The following COL5A2 variants were observed in gnomAD, a reference collection of about 807,000 sequenced individuals.
COL5A2 encodes collagen alpha-2(V) chain.
Under a neutral mutation model 208.2 loss-of-function variants are expected in COL5A2, and 23 were observed. The ratio of observed to expected loss-of-function variants is 0.11; its 90% CI spans 0.08 to 0.16. The LOEUF is 0.16. COL5A2 is among the 10% of genes least tolerant of loss of function. The pLI, the probability that COL5A2 is intolerant of heterozygous loss-of-function variation, is 1.00. For missense variants in COL5A2, 1,590 were observed against 1,956.4 expected (o/e 0.81, Z 3.53); for synonymous variants, 625 against 628.5 (o/e 0.99, Z 0.08).
chr2:189,388,514 C>T, the COL5A2 span, among the ~76,000 whole-genome samples: 38 of 152,224 alleles, frequency 2.5e-4, no homozygotes, highest in African/African-American at 8.7e-4. Flanking sequence ...AGGCTGAGCA[C>T]GTACTTGCAA....
At chr2:189,045,122 T>TG (rs1685637608) in intron 47 of COL5A2, 57 bp downstream of exon 47, 7 of 1,166,586 alleles carry the variant, frequency 6.0e-6, no homozygotes, top group Non-Finnish European at 8.6e-6. Context: ...TATACTTCTT[T>TG]GGGAGTATAT....
At chr2:189,062,817 T>G (rs755099071) in intron 29 of COL5A2, 48 bp downstream of exon 29, 1 of 1,608,450 alleles carries the variant, frequency 6.2e-7, no homozygotes, top group Non-Finnish European at 8.5e-7. Flanking sequence ...AAAAATGCAA[T>G]GTGTGTATAT....
chr2:189,382,782 G>T, the COL5A2 span, among the ~76,000 whole-genome samples: 1 of 152,002 alleles, frequency 6.6e-6, no homozygotes. Flanking sequence ...TTTGCAGGTA[G>T]GGGATGGATG....
At chr2:189,059,585 G>GTTTTTTTTTTTTTTTTTTT in intron 31 of COL5A2, among the ~76,000 whole-genome samples, 486 of 28,632 alleles carry the variant, frequency 0.017, 171 homozygotes, top group Non-Finnish European at 0.024. Context: ...TTCTTTTCTG[G>GTTTTTTTTTTTTTTTTTTT]TTTTTTTTTT....
chr2:189,371,913 C>A, the COL5A2 span, among the ~76,000 whole-genome samples: 38 of 152,302 alleles, frequency 2.5e-4, no homozygotes, highest in Admixed American at 1.3e-3. Flanking sequence ...AAAATGGAGC[C>A]AAGAGCTAAT....
At chr2:189,331,174 T>A in the COL5A2 span, among the ~76,000 whole-genome samples, 1 of 151,980 alleles carries the variant, frequency 6.6e-6, no homozygotes, top group African/African-American at 2.4e-5. Flanking sequence ...TATGAAGAAG[T>A]CATTTGATAA....
intron 1 of COL5A2, among the ~76,000 whole-genome samples, chr2:189,169,155 G>A (rs1365138834): frequency 6.6e-6 from 1 of 152,196 alleles, no homozygotes; most frequent in Non-Finnish European, 1.5e-5. Context: ...TCAGAGCAAT[G>A]CAGAGTGGAA....
chr2:189,415,940 G>A, the COL5A2 span, among the ~76,000 whole-genome samples: 28 of 152,300 alleles, frequency 1.8e-4, no homozygotes, highest in East Asian at 1.9e-4. Context: ...GATTACAGGC[G>A]TGAGCCACTG....
chr2:189,209,334 T>G (rs1689180605), intron 1 of COL5A2, among the ~76,000 whole-genome samples: 1 of 152,214 alleles, frequency 6.6e-6, no homozygotes, highest in Non-Finnish European at 1.5e-5. Context: ...GTTTCAATAT[T>G]CTAGCCAAGA....
Position 189,061,633 on chromosome 2 carries a change from A to T in COL5A2, c.1978-18T>A. ...GCTAGACCCTAAGTTGTGAAGGAGA[A>T]AATAATTGTGAATATAACCAGATCT... On this transcript the variant is annotated intron_variant, in intron 29 of 53. Transcript: ENST00000374866. The T allele has an allele frequency of 6.3e-7, 1 of 1,599,880 alleles. No homozygotes were observed. The highest frequency in any genetic ancestry group is 8.6e-7 in the Non-Finnish European group (1 of 1,167,194).
chr2:189,111,642 C>T (rs1490441518), intron 1 of COL5A2, among the ~76,000 whole-genome samples: 3 of 152,162 alleles, frequency 2.0e-5, no homozygotes, highest in Admixed American at 6.5e-5. Context: ...AGAACTCATT[C>T]ACTCAGCCAT....
rs913791106 is a variant in COL5A2 at position 189,132,930 on chromosome 2, A to G, written c.98-22481T>C. ...AGCAAGACTCCATCTCAAAAAAAAAATTAATAAAACAATATTAATTGAGTG... is the reference window on the plus strand; with the variant it reads ...AGCAAGACTCCATCTCAAAAAAAAAGTTAATAAAACAATATTAATTGAGTG... On this transcript the variant is annotated intron_variant, in intron 1 of 53. Coordinates refer to ENST00000374866, the MANE Select transcript of COL5A2 (RefSeq NM_000393.5). 3 of 152,602 alleles carry G rather than the reference A, an allele frequency of 2.0e-5. No individual in the cohort carries two copies. The Admixed American group carries it at 2.0e-4, about 10-fold the overall frequency. 9.5% of individuals were successfully genotyped at this position (152,602 alleles called of 1,614,324 possible). A position where few individuals can be genotyped will look rare whatever the true frequency, so the allele number is the denominator to read the frequency against.
intron 1 of COL5A2, among the ~76,000 whole-genome samples, chr2:189,169,271 C>T (rs1279055858): frequency 3.3e-5 from 5 of 152,110 alleles, no homozygotes; most frequent in Non-Finnish European, 5.9e-5. Context: ...GGCACTGGGG[C>T]ATGGAGTGGA....
At chr2:189,076,964 A>C (rs1355120539) in intron 16 of COL5A2, among the ~76,000 whole-genome samples, 2 of 152,238 alleles carry the variant, frequency 1.3e-5, no homozygotes, top group African/African-American at 4.8e-5. Context: ...AGTCCCAGCT[A>C]TTTGGGTGAG....
the COL5A2 span, among the ~76,000 whole-genome samples, chr2:189,281,192 C>T: frequency 1.1e-4 from 17 of 151,724 alleles, no homozygotes; most frequent in Non-Finnish European, 2.4e-4. Context: ...CAAATGAAAA[C>T]CTAAAATGTA....
At chr2:189,375,467 C>T in the COL5A2 span, among the ~76,000 whole-genome samples, 3 of 152,188 alleles carry the variant, frequency 2.0e-5, no homozygotes, top group African/African-American at 7.2e-5. Flanking sequence ...TTCTCATCTT[C>T]ACAATGGGGA....
chr2:189,123,864 A>G (rs1687557394), intron 1 of COL5A2, among the ~76,000 whole-genome samples: 1 of 152,142 alleles, frequency 6.6e-6, no homozygotes, highest in Non-Finnish European at 1.5e-5. Context: ...TGAGTGGCAG[A>G]GCCAATATTT....
rs1686592029 is a variant in COL5A2 at position 189,083,833 on chromosome 2, C to T, written c.852+151G>A. On this transcript the variant is annotated intron_variant, in intron 12 of 53. Transcript: ENST00000374866. ...GGAGTTAACAATCACTCTGGCAAAA[C>T]GTCCTGTGACATTTTACATTTTTAC... The T allele has an allele frequency of 1.2e-5, 8 of 657,366 alleles. No homozygotes were observed. In the Admixed American group the frequency reaches 1.4e-4, roughly 12 times the overall value. The allele number at this position is 657,366 out of a possible 1,614,324, so 40.7% of individuals were successfully genotyped here.
upstream of COL5A2, among the ~76,000 whole-genome samples, chr2:189,230,039 T>C (rs78428790): frequency 9.1e-4 from 139 of 151,940 alleles, no homozygotes; most frequent in African/African-American, 3.2e-3. Context: ...TAGACATTTA[T>C]GGTCAAGTGA....
Sources: gnomAD v4.1 joint callset for allele counts (sites outside exome capture counted in the v4.1 genomes callset) on GRCh38, gnomAD v4.1.1 for gene constraint, MANE v1.5 for transcripts, NCBI Gene and HGNC (gene_info 2026-07-23, HGNC 2026-07-21) for gene names.